Variants in HIPK3 observed in about 807,000 individuals in gnomAD.
HIPK3 encodes the protein homeodomain-interacting protein kinase 3.
A neutral mutation model predicts 124.2 loss-of-function variants in HIPK3; 47 were observed. That is an observed-to-expected ratio of 0.38 (90% CI 0.30 to 0.48). HIPK3 has a LOEUF of 0.48. Among genes scored for constraint, HIPK3 ranks in the 20% least tolerant of loss-of-function variants. HIPK3 has a pLI of 0.98. For missense variants in HIPK3, 1,286 were observed against 1,454.3 expected, an observed-to-expected ratio of 0.88 and a Z score of 1.88; for synonymous variants, 482 against 515.2, an observed-to-expected ratio of 0.94 and a Z score of 0.87.
intron 2 of HIPK3, among the ~76,000 whole-genome samples, chr11:33,314,540 C>T (rs1852441038): frequency 6.6e-6 from 1 of 152,100 alleles, no homozygotes; most frequent in African/African-American, 2.4e-5. Flanking sequence ...CCTGTAATCC[C>T]AGCTACTTGG....
At chr11:33,294,939 A>C (rs1348343246) in intron 2 of HIPK3, among the ~76,000 whole-genome samples, 1 of 152,096 alleles carries the variant, frequency 6.6e-6, no homozygotes, top group Non-Finnish European at 1.5e-5. Context: ...AGTGTCCTCT[A>C]ATCTGGTGAT....
chr11:33,348,070 T>G (rs1277132694), intron 11 of HIPK3, 57 bp downstream of exon 11: 27 of 1,610,058 alleles, frequency 1.7e-5, no homozygotes, highest in Non-Finnish European at 2.3e-5. Context: ...AAATGAATTT[T>G]GCATGTACTC....
At chr11:33,334,836 G>A (rs1180343371) in intron 3 of HIPK3, among the ~76,000 whole-genome samples, 1 of 152,210 alleles carries the variant, frequency 6.6e-6, no homozygotes, top group Non-Finnish European at 1.5e-5. Flanking sequence ...ATGTTTGGCA[G>A]TAGTGTGAAT....
chr11:33,324,667 C>T (rs79541664), intron 2 of HIPK3, among the ~76,000 whole-genome samples: 2,162 of 152,330 alleles, frequency 0.014, 31 homozygotes, highest in South Asian at 0.026. Context: ...AATGACCAGG[C>T]ACAGTGTGGG....
intron 1 of HIPK3, among the ~76,000 whole-genome samples, chr11:33,265,333 A>G (rs889831010): frequency 6.6e-6 from 1 of 152,228 alleles, no homozygotes; most frequent in Non-Finnish European, 1.5e-5. Context: ...AAGTTAGGTA[A>G]GAATAATATT....
At position 33,341,062 on chromosome 11, in the gene HIPK3, G is replaced by T. The variant is rs1320658174; in HGVS notation, c.1708G>T (p.Val570Phe). The change falls in exon 7 of 17, where the codon GTT becomes TTT. Residue 570 changes from valine to phenylalanine, a missense_variant. Around this residue, in one of 3 missense-constraint regions of HIPK3, gnomAD observed 810 missense variants for 864.9 expected, o/e 0.94. Coordinates refer to ENST00000303296, the MANE Select transcript of HIPK3 (RefSeq NM_005734.5). ...NHNKTSLLRP[V>F]ASSSTATLTA... ...CAACAAAACTTCACTTTTAAGACCA[G>T]TTGCTTCAAGCAGTACTGCTACACT... The T allele has an allele frequency of 1.2e-6, 2 of 1,612,032 alleles. No individual in the cohort carries two copies. Among genetic ancestry groups the T allele is most frequent in the Admixed American group, 3.3e-5 (2 of 59,798 alleles).
At chr11:33,346,744 A>T (rs1428839583) in intron 8 of HIPK3, among the ~76,000 whole-genome samples, 1 of 152,222 alleles carries the variant, frequency 6.6e-6, no homozygotes, top group South Asian at 2.1e-4. Flanking sequence ...AAATCGTTCA[A>T]CTTTGTAGTA....
chr11:33,270,045 T>G (rs1029173623), intron 1 of HIPK3, among the ~76,000 whole-genome samples: 3 of 152,184 alleles, frequency 2.0e-5, no homozygotes, highest in African/African-American at 7.2e-5. Context: ...TGGCGTGACC[T>G]TGGCTCACTG....
intron 2 of HIPK3, among the ~76,000 whole-genome samples, chr11:33,305,184 TAG>T (rs780925735): frequency 1.3e-5 from 2 of 152,130 alleles, no homozygotes; most frequent in African/African-American, 2.4e-5. Context: ...TATTTTTTGG[TAG>T]AGGCAGGGTT....
At chr11:33,311,270 T>C (rs1396702294) in intron 2 of HIPK3, among the ~76,000 whole-genome samples, 1 of 152,170 alleles carries the variant, frequency 6.6e-6, no homozygotes, top group Non-Finnish European at 1.5e-5. Context: ...ACCACAGCAT[T>C]GACCCCCTGG....
In HIPK3 at chr11:33,319,779, T is replaced by G. The variant is rs369756141; in HGVS notation, c.1098-8731T>G. On this transcript the variant is annotated intron_variant, in intron 2 of 16. Coordinates refer to ENST00000303296, the MANE Select transcript of HIPK3 (RefSeq NM_005734.5). ...GAATATAGCATTAAAAGAATTAAAG[T>G]TCTTGCCCCCATGGAATTTATGTTC... 7.9e-4 allele frequency among the ~76,000 whole-genome samples: 121 copies of G among 152,338 alleles called. 1 individual carries two copies. Among genetic ancestry groups the G allele is most frequent in the African/African-American group, 2.7e-3 (112 of 41,574 alleles).
Position 33,354,894 on chromosome 11 carries a change from T to A in HIPK3, c.*1326T>A, listed in dbSNP as rs1290372174. 6.6e-6 allele frequency: 1 copy of A among 151,974 alleles called. No homozygotes were observed. The highest frequency in any genetic ancestry group is 1.5e-5 in the Non-Finnish European group (1 of 67,930). 9.4% of individuals were successfully genotyped at this position (151,974 alleles called of 1,614,324 possible). On this transcript the variant is annotated 3_prime_UTR_variant, in exon 17 of 17. Coordinates refer to ENST00000303296, the MANE Select transcript of HIPK3 (RefSeq NM_005734.5). ...GGTGATGGTAGTGGTTATGTCTGTT[T>A]AAATGAAGTTGCTTTTACAGCACCA...
intron 1 of HIPK3, among the ~76,000 whole-genome samples, chr11:33,285,364 A>G (rs889559588): frequency 2.0e-5 from 3 of 152,132 alleles, no homozygotes; most frequent in African/African-American, 4.8e-5. Flanking sequence ...GAATATCCAT[A>G]TAATAAAGTA....
chr11:33,341,813 G>A, intron 8 of HIPK3, 127 bp downstream of exon 8: 3 of 848,934 alleles, frequency 3.5e-6, no homozygotes, highest in Non-Finnish European at 3.5e-6. Context: ...AATTTAAGCT[G>A]TTCAGGCCAA....
chr11:33,333,905 T>C (rs1054530034), intron 3 of HIPK3, among the ~76,000 whole-genome samples: 3 of 152,260 alleles, frequency 2.0e-5, no homozygotes, highest in African/African-American at 4.8e-5. Flanking sequence ...ATAGATGCTC[T>C]GTTTGTTGAA....
chr11:33,347,986 C>T lies in HIPK3; in HGVS notation c.2279C>T (p.Thr760Ile). The T allele has an allele frequency of 6.2e-7, 1 of 1,614,150 alleles. No individual in the cohort carries two copies. The highest frequency in any genetic ancestry group is 8.5e-7 in the Non-Finnish European group (1 of 1,180,018). ...GTTGTCTGGCCTCAGCCTGCCACTA[C>T]CAAGAAAAATAAACAGTGCCAGAAC... is the stretch of plus-strand genomic sequence containing the variant. ...AHVVWPQPAT[T>I]KKNKQCQNRG... is the part of the protein sequence containing the mutation. The change falls in exon 11 of 17, where the codon ACC becomes ATC. Residue 760 changes from threonine (T) to isoleucine (I), a missense_variant. Coordinates refer to ENST00000303296, the MANE Select transcript of HIPK3 (RefSeq NM_005734.5).
At chr11:33,334,031 G>A (rs140683649) in intron 3 of HIPK3, among the ~76,000 whole-genome samples, 15 of 152,232 alleles carry the variant, frequency 9.9e-5, no homozygotes, top group African/African-American at 3.4e-4. Flanking sequence ...CTTAGTGGGT[G>A]GGAGGTGGGG....
intron 1 of HIPK3, among the ~76,000 whole-genome samples, chr11:33,286,087 C>T (rs1851542924): frequency 6.6e-6 from 1 of 152,086 alleles, no homozygotes; most frequent in East Asian, 1.9e-4. Flanking sequence ...AAAATGTTGG[C>T]ACCGTTTCTA....
chr11:33,276,232 ACT>A lies in HIPK3; in HGVS notation c.-2-10180_-2-10179del, dbSNP rs531722692. The stretch of plus-strand genomic sequence containing the variant: ...TTGCAGGCATGTCCCTTTAACTCTA[ACT>A]AATTGCATAAAGTAAAGACTGTTCA... On this transcript the variant is annotated intron_variant, in intron 1 of 16. Coordinates refer to ENST00000303296, the MANE Select transcript of HIPK3 (RefSeq NM_005734.5). Among the ~76,000 whole-genome samples, 46 of 152,032 alleles carry A rather than the reference ACT, an allele frequency of 3.0e-4. No individual in the cohort carries two copies. In the South Asian group the frequency reaches 9.1e-3, roughly 30 times the overall value.
Sources: allele counts gnomAD v4.1 joint callset (sites outside exome capture counted in the v4.1 genomes callset), GRCh38; gene constraint gnomAD v4.1.1; regional missense constraint gnomAD v4.1.1; transcripts MANE v1.5; gene names NCBI Gene and HGNC (gene_info 2026-07-23, HGNC 2026-07-21).